The following PEX5L variants were observed in gnomAD, a reference collection of about 807,000 sequenced individuals.
PEX5L encodes peroxisomal biogenesis factor 5 like, also known as PEX5-related protein.
Under a neutral mutation model 84.0 loss-of-function variants are expected in PEX5L, and 30 were observed. That is an observed-to-expected ratio of 0.36 (90% confidence interval 0.27 to 0.48). PEX5L has a LOEUF of 0.48. Ranked by LOEUF, PEX5L falls within the 20% of genes least tolerant of loss-of-function variation. PEX5L has a pLI of 0.99. For missense variants in PEX5L, 533 were observed against 754.6 expected (o/e 0.71, Z 3.44); for synonymous variants, 270 against 283.1 (o/e 0.95, Z 0.46).
At chr3:179,822,645 C>A (rs1180861548) in intron 8 of PEX5L, among the ~76,000 whole-genome samples, 1 of 152,220 alleles carries the variant, frequency 6.6e-6, no homozygotes, top group Non-Finnish European at 1.5e-5. Context: ...TGAAACATAT[C>A]TGAATTTTAA....
At chr3:179,971,963 C>T (rs554262469) in intron 1 of PEX5L, among the ~76,000 whole-genome samples, 10 of 152,216 alleles carry the variant, frequency 6.6e-5, no homozygotes, top group African/African-American at 2.4e-4. Context: ...TTCTTTAACA[C>T]TTTGGGATAA....
chr3:179,931,443 C>A (rs968045070), intron 2 of PEX5L, among the ~76,000 whole-genome samples: 25 of 152,200 alleles, frequency 1.6e-4, no homozygotes, highest in Admixed American at 1.5e-3. Flanking sequence ...GGATTCCTGA[C>A]TTTTAATCTC....
chr3:179,857,215 A>C (rs1308720472), intron 8 of PEX5L, among the ~76,000 whole-genome samples: 1 of 152,200 alleles, frequency 6.6e-6, no homozygotes, highest in East Asian at 1.9e-4. Flanking sequence ...CTCAGGTCCC[A>C]GTACAGACAA....
At chr3:179,886,577 A>G (rs1250908434) in intron 4 of PEX5L, among the ~76,000 whole-genome samples, 3 of 152,084 alleles carry the variant, frequency 2.0e-5, no homozygotes, top group Non-Finnish European at 4.4e-5. Context: ...CTATTATCAG[A>G]CAAATGAAGA....
chr3:179,879,884 A>C, intron 5 of PEX5L, 45 bp downstream of exon 5: 1 of 1,357,810 alleles, frequency 7.4e-7, no homozygotes, highest in Non-Finnish European at 1.0e-6. Flanking sequence ...TATCCACATC[A>C]GCAGAGCAAG....
intron 2 of PEX5L, among the ~76,000 whole-genome samples, chr3:179,925,576 T>C (rs953391376): frequency 4.6e-5 from 7 of 152,234 alleles, no homozygotes; most frequent in African/African-American, 1.7e-4. Context: ...AGTTATAAGA[T>C]TATATTTACT....
At chr3:179,818,848 C>CTTTTT (rs78348936) in intron 9 of PEX5L, among the ~76,000 whole-genome samples, 2 of 102,966 alleles carry the variant, frequency 1.9e-5, no homozygotes, top group Admixed American at 9.7e-5. Flanking sequence ...CTTTTCTTTT[C>CTTTTT]TTTTTTTTTT....
intron 1 of PEX5L, among the ~76,000 whole-genome samples, chr3:180,008,676 G>C (rs1401920183): frequency 6.6e-6 from 1 of 152,164 alleles, no homozygotes; most frequent in Non-Finnish European, 1.5e-5. Context: ...CTTACATGGT[G>C]GCAGCAAGAG....
chr3:179,872,515 G>A (rs1040679629), intron 7 of PEX5L, among the ~76,000 whole-genome samples: 2 of 152,186 alleles, frequency 1.3e-5, no homozygotes, highest in African/African-American at 4.8e-5. Context: ...AGACAATATA[G>A]AAAATTTTCT....
intron 2 of PEX5L, among the ~76,000 whole-genome samples, chr3:179,904,145 G>A (rs78837654): frequency 0.026 from 3,892 of 152,202 alleles, 176 homozygotes; most frequent in African/African-American, 0.089. Flanking sequence ...ATGACACAGG[G>A]TATTGAAAAG....
chr3:179,848,686 A>G lies in PEX5L; in HGVS notation c.822+10376T>C, dbSNP rs1309518616. The stretch of plus-strand genomic sequence containing the variant: ...CCACAACTCAAAGTTTATTTAGAAT[A>G]TCAGAGCTGGAAGGGCCCTGTGGCA... On this transcript the variant is annotated intron_variant, in intron 8 of 14. Coordinates refer to ENST00000467460, the MANE Select transcript of PEX5L (RefSeq NM_016559.3). Among the ~76,000 whole-genome samples, 4 of 152,218 alleles carry G rather than the reference A, an allele frequency of 2.6e-5. 1 individual carries two copies. The highest frequency in any genetic ancestry group is 7.2e-5 in the African/African-American group (3 of 41,448).
At chr3:179,983,214 T>C (rs1358048886) in intron 1 of PEX5L, among the ~76,000 whole-genome samples, 1 of 151,940 alleles carries the variant, frequency 6.6e-6, no homozygotes, top group Non-Finnish European at 1.5e-5. Flanking sequence ...AACATGACTA[T>C]AGTATAAATA....
At chr3:179,802,297 G>A (rs963289876) in intron 14 of PEX5L, among the ~76,000 whole-genome samples, 1 of 152,032 alleles carries the variant, frequency 6.6e-6, no homozygotes, top group Non-Finnish European at 1.5e-5. Flanking sequence ...CACTTTGGGA[G>A]GCCAAGGCAG....
intron 8 of PEX5L, among the ~76,000 whole-genome samples, chr3:179,833,446 AC>A (rs1733859485): frequency 6.6e-6 from 1 of 152,080 alleles, no homozygotes; most frequent in Non-Finnish European, 1.5e-5. Context: ...CTTCCCCTCA[AC>A]CCTCTCTGCC....
intron 7 of PEX5L, among the ~76,000 whole-genome samples, chr3:179,871,110 T>C (rs1378253432): frequency 2.7e-5 from 4 of 147,824 alleles, no homozygotes; most frequent in African/African-American, 5.0e-5. Flanking sequence ...CTTTTTTTTT[T>C]TTTTTTTTTT....
intron 8 of PEX5L, among the ~76,000 whole-genome samples, chr3:179,841,107 C>T (rs923151242): frequency 5.9e-5 from 9 of 152,062 alleles, no homozygotes; most frequent in Non-Finnish European, 1.0e-4. Flanking sequence ...GGGAGAAAAA[C>T]GAGTATCTAC....
At chr3:179,922,609 T>C (rs1388953018) in intron 2 of PEX5L, among the ~76,000 whole-genome samples, 1 of 151,888 alleles carries the variant, frequency 6.6e-6, no homozygotes, top group Admixed American at 6.6e-5. Flanking sequence ...CCACCATGCC[T>C]GGCTGGCTAC....
chr3:179,981,000 G>A (rs1561015754), intron 1 of PEX5L, among the ~76,000 whole-genome samples: 1 of 148,608 alleles, frequency 6.7e-6, no homozygotes, highest in African/African-American at 2.5e-5. Flanking sequence ...CTCTAGTCTG[G>A]GTGACAGAAT....
At chr3:179,858,409 T>C (rs1744815806) in intron 8 of PEX5L, among the ~76,000 whole-genome samples, 1 of 152,150 alleles carries the variant, frequency 6.6e-6, no homozygotes, top group Admixed American at 6.5e-5. Flanking sequence ...TTTTTTTTCT[T>C]CCCTTTCTTC....
Sources: gnomAD v4.1 joint callset for allele counts (sites outside exome capture counted in the v4.1 genomes callset) on GRCh38, gnomAD v4.1.1 for gene constraint, MANE v1.5 for transcripts, NCBI Gene and HGNC (gene_info 2026-07-23, HGNC 2026-07-21) for gene names.